ZMAT4: variants seen among roughly 807,000 people sequenced by gnomAD.
The protein encoded by ZMAT4 is zinc finger matrin-type 4, also known as zinc finger matrin-type protein 4.
Under a neutral mutation model 28.7 loss-of-function variants are expected in ZMAT4, and 17 were observed. The observed-to-expected ratio is 0.59, with a 90% CI of 0.41 to 0.89. The LOEUF (loss-of-function observed/expected upper bound fraction) is 0.89, where lower values mean the gene tolerates loss of function less well. Ranked by LOEUF, ZMAT4 falls within the 40% of genes least tolerant of loss-of-function variation. The probability of loss-of-function intolerance (pLI) is 0.00; values close to 1 mark genes in which losing one functional copy is unlikely to be tolerated. For missense variants in ZMAT4, 240 were observed against 283.8 expected (o/e 0.85, Z 1.11); for synonymous variants, 117 against 109.2 (o/e 1.07, Z -0.44).
chr8:40,582,234 C>T lies in ZMAT4; in HGVS notation c.578-973G>A, dbSNP rs576551526. ...TAAGAACTAGGTGAATAAGATATTACAATGGCCCGTAATCCCAATGATTTG... is the reference window on the plus strand; with the variant it reads ...TAAGAACTAGGTGAATAAGATATTATAATGGCCCGTAATCCCAATGATTTG... On this transcript the variant is annotated intron_variant, in intron 5 of 6. Coordinates refer to ENST00000297737, the MANE Select transcript of ZMAT4 (RefSeq NM_024645.3). 1.8e-4 allele frequency among the ~76,000 whole-genome samples: 28 copies of T among 152,282 alleles called. No individual in the cohort carries two copies. The East Asian group carries it at 4.6e-3, about 25-fold the overall frequency.
At chr8:40,811,866 C>T (rs1243280110) in intron 2 of ZMAT4, among the ~76,000 whole-genome samples, 1 of 152,198 alleles carries the variant, frequency 6.6e-6, no homozygotes, top group East Asian at 1.9e-4. Context: ...CACAGTGGCT[C>T]ATGCCTGTAA....
intron 5 of ZMAT4, among the ~76,000 whole-genome samples, chr8:40,589,317 C>G (rs1804774683): frequency 6.6e-6 from 1 of 152,136 alleles, no homozygotes; most frequent in Admixed American, 6.5e-5. Context: ...CCCACACATT[C>G]TGGCTGTAGA....
At chr8:40,595,100 G>C (rs918761246) in intron 5 of ZMAT4, among the ~76,000 whole-genome samples, 1 of 152,162 alleles carries the variant, frequency 6.6e-6, no homozygotes, top group Non-Finnish European at 1.5e-5. Context: ...ATTGAAAATC[G>C]TGTAATTGCA....
chr8:40,620,862 G>A (rs1179136902), intron 5 of ZMAT4, among the ~76,000 whole-genome samples: 2 of 152,168 alleles, frequency 1.3e-5, no homozygotes, highest in African/African-American at 4.8e-5. Context: ...TGTGGCTCAA[G>A]CTCCTTTCAA....
At chr8:40,567,280 A>G (rs1279798819) in intron 6 of ZMAT4, among the ~76,000 whole-genome samples, 1 of 152,216 alleles carries the variant, frequency 6.6e-6, no homozygotes, top group African/African-American at 2.4e-5. Flanking sequence ...AAAGCTAAAG[A>G]AAAATACATG....
intron 5 of ZMAT4, among the ~76,000 whole-genome samples, chr8:40,649,665 A>C (rs1000464220): frequency 1.4e-4 from 21 of 152,028 alleles, no homozygotes; most frequent in African/African-American, 5.1e-4. Flanking sequence ...AATTGACCAC[A>C]TACTTGGAAG....
intron 2 of ZMAT4, among the ~76,000 whole-genome samples, chr8:40,776,666 G>A (rs1813607741): frequency 6.6e-6 from 1 of 152,182 alleles, no homozygotes; most frequent in African/African-American, 2.4e-5. Context: ...GAAGTTAAAG[G>A]TAGGGATAAG....
intron 2 of ZMAT4, among the ~76,000 whole-genome samples, chr8:40,807,136 G>GA (rs374114091): frequency 1.3e-4 from 9 of 68,960 alleles, no homozygotes; most frequent in African/African-American, 2.6e-4. Flanking sequence ...GTGGGGTGAG[G>GA]ACAAAAAAAA....
chr8:40,696,921 A>C, intron 4 of ZMAT4: 1 of 190,818 alleles, frequency 5.2e-6, no homozygotes, highest in Non-Finnish European at 1.1e-5. Context: ...TGCAGACGGA[A>C]TCTAGAAAAC....
intron 4 of ZMAT4, among the ~76,000 whole-genome samples, 191 bp from the exon 5 acceptor site, chr8:40,675,122 A>G (rs1808855947): frequency 6.6e-6 from 1 of 152,174 alleles, no homozygotes; most frequent in African/African-American, 2.4e-5. Context: ...AAAATTCTTA[A>G]TGTATTGAGA....
At chr8:40,540,773 G>A (rs766683207) in intron 6 of ZMAT4, among the ~76,000 whole-genome samples, 17 of 152,136 alleles carry the variant, frequency 1.1e-4, no homozygotes, top group Admixed American at 2.0e-4. Context: ...GGTAGTTAGC[G>A]TCAGAATTGC....
intron 4 of ZMAT4, among the ~76,000 whole-genome samples, chr8:40,676,153 C>T (rs561918731): frequency 6.6e-6 from 1 of 152,268 alleles, no homozygotes; most frequent in African/African-American, 2.4e-5. Flanking sequence ...CAGTGGCTTA[C>T]TGAAGGTGAG....
intron 3 of ZMAT4, 116 bp from the exon 4 acceptor site, chr8:40,697,517 G>GTC (rs57195391): frequency 3.0e-3 from 2,912 of 959,256 alleles, no homozygotes; most frequent in South Asian, 5.2e-3. Flanking sequence ...TCTGCAAGCT[G>GTC]TCTCTCTCTC....
intron 1 of ZMAT4, among the ~76,000 whole-genome samples, chr8:40,878,970 G>T (rs1171851159): frequency 2.0e-5 from 3 of 152,176 alleles, no homozygotes; most frequent in African/African-American, 2.4e-5. Flanking sequence ...TTTCCATTCT[G>T]GCTGTGGCTT....
chr8:40,896,010 T>C (rs181930411), intron 1 of ZMAT4, among the ~76,000 whole-genome samples: 3 of 152,304 alleles, frequency 2.0e-5, no homozygotes, highest in Non-Finnish European at 4.4e-5. Flanking sequence ...CAAAATTGTT[T>C]TGTTTACTGT....
At chr8:40,602,491 G>C (rs553229001) in intron 5 of ZMAT4, among the ~76,000 whole-genome samples, 1 of 152,046 alleles carries the variant, frequency 6.6e-6, no homozygotes, top group Non-Finnish European at 1.5e-5. Context: ...CACACCAAAG[G>C]GTGTAAAAGT....
At chr8:40,622,099 C>T (rs1409269140) in intron 5 of ZMAT4, among the ~76,000 whole-genome samples, 1 of 152,168 alleles carries the variant, frequency 6.6e-6, no homozygotes, top group Admixed American at 6.5e-5. Context: ...ATTCCCAATA[C>T]ATGAAAGCAC....
chr8:40,764,426 A>C (rs2150558803), intron 3 of ZMAT4, among the ~76,000 whole-genome samples: 1 of 152,308 alleles, frequency 6.6e-6, no homozygotes, highest in South Asian at 2.1e-4. Flanking sequence ...GCAACAATAG[A>C]CCTTAGAAGT....
At chr8:40,588,935 C>T (rs1461111153) in intron 5 of ZMAT4, among the ~76,000 whole-genome samples, 1 of 152,154 alleles carries the variant, frequency 6.6e-6, no homozygotes, top group Admixed American at 6.5e-5. Context: ...GAAATATTTA[C>T]ATATGTTCTG....
Sources: allele counts gnomAD v4.1 joint callset (sites outside exome capture counted in the v4.1 genomes callset), GRCh38; gene constraint gnomAD v4.1.1; transcripts MANE v1.5; gene names NCBI Gene and HGNC (gene_info 2026-07-23, HGNC 2026-07-21).